TRPM2: variants seen among roughly 807,000 people sequenced by gnomAD.
The protein encoded by TRPM2 is transient receptor potential cation channel subfamily M member 2.
A neutral mutation model predicts 174.0 loss-of-function variants in TRPM2; 161 were observed. The observed-to-expected ratio is 0.93, with a 90% CI of 0.81 to 1.05. TRPM2 has a LOEUF of 1.05. TRPM2 is among the 50% of genes least tolerant of loss of function. The pLI is 0.00. For synonymous variants in TRPM2, 954 were observed against 861.3 expected (o/e 1.11, Z -1.88); for missense variants, 2,057 against 2,038.0 (o/e 1.01, Z -0.18).
chr21:44,369,317 C>A lies in TRPM2; in HGVS notation c.745C>A (p.Arg249Ser), dbSNP rs767777511. Residue 249 changes from arginine (R) to serine (S), a missense_variant, in exon 5 of 32, where the codon CGC (arginine) becomes AGC (serine). Coordinates refer to ENST00000397928, the MANE Select transcript of TRPM2 (RefSeq NM_003307.4). ...AGTCGCCACCTGGGGCACTGTCCACCGCCGCGAGGGCCTGATCCATCCCAC... is the reference window on the plus strand; with the variant it reads ...AGTCGCCACCTGGGGCACTGTCCACAGCCGCGAGGGCCTGATCCATCCCAC... ...IGVATWGTVHRREGLIHPTGS... is the reference protein window; with the variant it reads ...IGVATWGTVHSREGLIHPTGS... 2.5e-6 allele frequency: 4 copies of A among 1,612,970 alleles called. No individual in the cohort carries two copies. Among genetic ancestry groups the A allele is most frequent in the South Asian group, 1.1e-5 (1 of 91,002 alleles).
chr21:44,399,056 G>C lies in TRPM2; in HGVS notation c.2063-240G>C, dbSNP rs1021646750. On this transcript the variant is annotated intron_variant, in intron 13 of 31. Transcript: ENST00000397928. The surrounding 1 kb of genome is among the most constrained non-coding windows in gnomAD (Gnocchi z 4.6). ...GATGGAGTCCATTAGGTCAGTTCTC[G>C]GTCCCTGTCTGAGTTTTCTCCCTGT... 6.6e-6 allele frequency among the ~76,000 whole-genome samples: 1 copy of C among 152,120 alleles called. No individual in the cohort carries two copies. The highest frequency in any genetic ancestry group is 1.5e-5 in the Non-Finnish European group (1 of 68,040).
intron 8 of TRPM2, among the ~76,000 whole-genome samples, chr21:44,379,793 C>A (rs1390962410): frequency 1.3e-5 from 2 of 152,246 alleles, no homozygotes; most frequent in Non-Finnish European, 1.5e-5. Flanking sequence ...GAGCCTCTCC[C>A]CTCCCTGTGC....
rs978551146 is a variant in TRPM2, at chr21:44,423,966, C to T, written c.3549+234C>T. The stretch of plus-strand genomic sequence containing the variant: ...CTGTGTGCACTGAGGCCTCCACGGC[C>T]GGGCTGTGCTCCTCGCTGCTCCCAG... On this transcript the variant is annotated intron_variant, in intron 23 of 31. Coordinates refer to ENST00000397928, the MANE Select transcript of TRPM2 (RefSeq NM_003307.4). Among the ~76,000 whole-genome samples the T allele has an allele frequency of 5.3e-5, 8 of 152,200 alleles. No homozygotes were observed. In the East Asian group the frequency reaches 5.8e-4, roughly 11 times the overall value.
At position 44,441,908 on chromosome 21, in the gene TRPM2, G is replaced by A. The variant is rs564149351; in HGVS notation, c.*91G>A. 3.9e-5 allele frequency: 57 copies of A among 1,450,614 alleles called. No homozygotes were observed. The South Asian group carries it at 7.0e-4, about 18-fold the overall frequency. 89.9% of individuals were successfully genotyped at this position (1,450,614 alleles called of 1,614,324 possible). On this transcript the variant is annotated 3_prime_UTR_variant, in exon 32 of 32. Coordinates refer to ENST00000397928, the MANE Select transcript of TRPM2 (RefSeq NM_003307.4). ...CCTGAGCCTGGCCAGGACTCAGGCT[G>A]TTCCTGGGCCCTGCACATGATGGGG... is the stretch of plus-strand genomic sequence containing the variant.
At position 44,369,045 on chromosome 21, in the gene TRPM2, G is replaced by A. The variant is rs889665683; in HGVS notation, c.605-132G>A. 4 of 1,007,402 alleles carry A rather than the reference G, an allele frequency of 4.0e-6. No homozygotes were observed. The African/African-American group carries it at 4.9e-5, about 12-fold the overall frequency. The allele number at this position is 1,007,402 out of a possible 1,614,324, so 62.4% of individuals were successfully genotyped here. ...CCTTACACCTGATGCTGGTTTGAAAGCCCCTGAGTGAGGAGCTCTGCGTTG... is the reference window on the plus strand; with the variant it reads ...CCTTACACCTGATGCTGGTTTGAAAACCCCTGAGTGAGGAGCTCTGCGTTG... On this transcript the variant is annotated intron_variant, in intron 4 of 31. Transcript: ENST00000397928.
At chr21:44,398,299 CAA>C (rs896506000) in intron 13 of TRPM2, among the ~76,000 whole-genome samples, 2 of 151,608 alleles carry the variant, frequency 1.3e-5, no homozygotes, top group Admixed American at 1.3e-4. Context: ...CCTCTGGATT[CAA>C]GCGATTCTCC....
intron 2 of TRPM2, among the ~76,000 whole-genome samples, chr21:44,359,599 G>GT (rs201204448): frequency 5.1e-4 from 76 of 148,650 alleles, no homozygotes; most frequent in Admixed American, 1.1e-3. Context: ...TTTTTTGTTT[G>GT]TTTTTTTTTA....
In TRPM2 at chr21:44,438,162, G is replaced by A. The variant is rs2051349641; in HGVS notation, c.4168-905G>A. On this transcript the variant is annotated intron_variant, in intron 29 of 31. Transcript: ENST00000397928. This position sits in a 1 kb window ranked among gnomAD's most constrained non-coding sequence, Gnocchi z 5.9. ...AGTGCTTTGGGGGCCTGTCTCCACA[G>A]CTGGAACCACCCCCGCAGCAGAGGG... Among the ~76,000 whole-genome samples, 1 of 152,256 alleles carries A rather than the reference G, an allele frequency of 6.6e-6. No individual in the cohort carries two copies. The highest frequency in any genetic ancestry group is 1.5e-5 in the Non-Finnish European group (1 of 68,044).
At chr21:44,437,888 G>A (rs1459341650) in intron 29 of TRPM2, among the ~76,000 whole-genome samples, 5 of 152,260 alleles carry the variant, frequency 3.3e-5, no homozygotes, top group Admixed American at 6.5e-5. Context: ...AGGCCTGGCC[G>A]TGGCGCATGG....
intron 2 of TRPM2, among the ~76,000 whole-genome samples, chr21:44,357,765 A>G (rs890228932): frequency 2.0e-5 from 3 of 152,180 alleles, no homozygotes; most frequent in Non-Finnish European, 4.4e-5. Flanking sequence ...GGGGACGGAG[A>G]GACGCTCCAA....
chr21:44,363,532 C>G (rs1488237159), intron 2 of TRPM2, among the ~76,000 whole-genome samples: 1 of 152,080 alleles, frequency 6.6e-6, no homozygotes, highest in African/African-American at 2.4e-5. Context: ...TTTGGTATAT[C>G]TTCTCTTTTT....
intron 30 of TRPM2, among the ~76,000 whole-genome samples, chr21:44,440,300 C>CACTCCA (rs1447926362): frequency 2.3e-4 from 3 of 13,180 alleles, no homozygotes; most frequent in Non-Finnish European, 4.1e-4. Flanking sequence ...TGCACCACTG[C>CACTCCA]GCTCAAAAAA....
rs1193741571 is a variant in TRPM2, at chr21:44,438,018, G to C, written c.4167+851G>C. Among the ~76,000 whole-genome samples, 1 of 152,266 alleles carries C rather than the reference G, an allele frequency of 6.6e-6. No individual in the cohort carries two copies. The highest frequency in any genetic ancestry group is 1.5e-5 in the Non-Finnish European group (1 of 68,036). ...TCTCTGACCCCGAGCTCACGGCCTG[G>C]TGGCTGCCTCTGCTGCTGTGGGAGT... On this transcript the variant is annotated intron_variant, in intron 29 of 31. Coordinates refer to ENST00000397928, the MANE Select transcript of TRPM2 (RefSeq NM_003307.4). The surrounding 1 kb of genome is among the most constrained non-coding windows in gnomAD (Gnocchi z 5.9).
At chr21:44,418,620 C>A in intron 22 of TRPM2, 65 bp downstream of exon 22, 1 of 1,590,218 alleles carries the variant, frequency 6.3e-7, no homozygotes, top group Non-Finnish European at 8.6e-7. Context: ...GGTCCACAGG[C>A]ACCATGAGTA....
At chr21:44,352,244 C>T (rs2123000330), upstream of TRPM2, among the ~76,000 whole-genome samples, 10 of 152,212 alleles carry the variant, frequency 6.6e-5, no homozygotes, top group African/African-American at 2.4e-4. Flanking sequence ...CTGAGAACTG[C>T]AGGAAAAGGC....
intron 11 of TRPM2, among the ~76,000 whole-genome samples, 185 bp from the exon 12 acceptor site, chr21:44,395,229 A>T (rs2049304812): frequency 6.6e-6 from 1 of 152,208 alleles, no homozygotes; most frequent in Admixed American, 6.5e-5. Context: ...ACAGTGTTTT[A>T]AAAAACTTCA....
Position 44,427,016 on chromosome 21 carries a change from G to C in TRPM2, c.3879G>C (p.Leu1293=). Residue 1293 remains leucine, a synonymous_variant, in exon 27 of 32, where the codon CTG becomes CTC. Coordinates refer to ENST00000397928, the MANE Select transcript of TRPM2 (RefSeq NM_003307.4). The part of the protein sequence containing the change: ...AAAMDPMGDT[L]EPLSTIQYNV... ...CCTTCTCCTCTGCTCCCAGCACCCTGGAGCCACTGTCCACGATCCAGTACA... is the reference window on the plus strand; with the variant it reads ...CCTTCTCCTCTGCTCCCAGCACCCTCGAGCCACTGTCCACGATCCAGTACA... 6.3e-7 allele frequency: 1 copy of C among 1,598,204 alleles called. No individual in the cohort carries two copies.
intron 22 of TRPM2, among the ~76,000 whole-genome samples, chr21:44,420,933 C>T (rs569329442): frequency 6.6e-6 from 1 of 152,306 alleles, no homozygotes; most frequent in East Asian, 1.9e-4. Context: ...AGAGGTGGCT[C>T]AGCTTCCACC....
intron 29 of TRPM2, 100 bp downstream of exon 29, chr21:44,437,267 GCCCC>G: frequency 4.5e-6 from 5 of 1,107,800 alleles, no homozygotes; most frequent in Non-Finnish European, 6.6e-6. Flanking sequence ...GCCCCCTGCA[GCCCC>G]CTGCAGCCCC....
Sources: allele counts gnomAD v4.1 joint callset (sites outside exome capture counted in the v4.1 genomes callset), GRCh38; gene constraint gnomAD v4.1.1; non-coding constraint Gnocchi (gnomAD v3.1); transcripts MANE v1.5; gene names NCBI Gene and HGNC (gene_info 2026-07-23, HGNC 2026-07-21).